Variants in FYB1 observed in about 807,000 individuals in gnomAD.
FYB1 encodes the protein FYN binding protein 1.
In FYB1, 41 loss-of-function variants were observed where a neutral mutation model predicts 94.1. The observed-to-expected ratio is 0.44, with a 90% CI of 0.34 to 0.57. FYB1 has a LOEUF of 0.57. Ranked by LOEUF, FYB1 falls within the 20% of genes least tolerant of loss-of-function variation. The pLI is 0.02. For missense variants in FYB1, 1,050 were observed against 976.8 expected (o/e 1.07, Z -1.00); for synonymous variants, 367 against 353.2 (o/e 1.04, Z -0.44).
chr5:39,261,280 T>C (rs540871976), intron 1 of FYB1, among the ~76,000 whole-genome samples: 2 of 143,420 alleles, frequency 1.4e-5, no homozygotes, highest in African/African-American at 5.3e-5. Flanking sequence ...GTTCTGCACA[T>C]GTATCTCCGA....
chr5:39,141,356 T>C (rs985249535), intron 3 of FYB1, among the ~76,000 whole-genome samples: 1 of 152,254 alleles, frequency 6.6e-6, no homozygotes, highest in African/African-American at 2.4e-5. Context: ...TATAGCACCA[T>C]CTATTCATAG....
At chr5:39,220,126 G>A (rs973878106), upstream of FYB1, among the ~76,000 whole-genome samples, 2 of 152,034 alleles carry the variant, frequency 1.3e-5, no homozygotes, top group Non-Finnish European at 2.9e-5. Context: ...ACCACCAGTG[G>A]GGCTGAGTGT....
rs191721370 is a variant in FYB1 at position 39,197,033 on chromosome 5, T to C, written c.1135+4793A>G. 2.8e-3 allele frequency among the ~76,000 whole-genome samples: 426 copies of C among 152,106 alleles called. 2 individuals carry two copies. Among genetic ancestry groups the C allele is most frequent in the African/African-American group, 9.8e-3 (406 of 41,488 alleles). ...ATGGAGGGTATATCTGGGGAAGAGG[T>C]TTAAAGAATTGGATGAGAACCTGGA... On this transcript the variant is annotated intron_variant, in intron 2 of 18. Transcript: ENST00000512982.
chr5:39,270,884 C>T lies in FYB1; in HGVS notation c.-28+3519G>A, dbSNP rs137986931. 3.1e-3 allele frequency: 1,048 copies of T among 333,838 alleles called. 5 individuals carry two copies. Among genetic ancestry groups the T allele is most frequent in the Non-Finnish European group, 3.7e-3 (674 of 184,390 alleles). The allele number at this position is 333,838 out of a possible 1,614,324, so 20.7% of individuals were successfully genotyped here. A position where few individuals can be genotyped will look rare whatever the true frequency, so the allele number is the denominator to read the frequency against. Reference sequence around the variant, plus strand: ...TACCTAGATATTAAATTTTGCTATACATTATTAATGTTTTATATAACTTCT... The same window carrying T: ...TACCTAGATATTAAATTTTGCTATATATTATTAATGTTTTATATAACTTCT... On this transcript the variant is annotated intron_variant, in intron 1 of 1. Transcript: ENST00000510188.
In FYB1 at chr5:39,119,455, A is replaced by T. The variant is rs1003981896; in HGVS notation, c.2238+80T>A. On this transcript the variant is annotated intron_variant, in intron 15 of 18. Coordinates refer to ENST00000512982, the MANE Select transcript of FYB1 (RefSeq NM_001465.6). ...CTTAAAAATCATTGGATTTTTCAAT[A>T]GTGTTTTTTTTGTTACTTAAAAATC... is the stretch of plus-strand genomic sequence containing the variant. 5 of 1,013,420 alleles carry T rather than the reference A, an allele frequency of 4.9e-6. No homozygotes were observed. The Admixed American group carries it at 1.5e-4, about 30-fold the overall frequency. 62.8% of individuals were successfully genotyped at this position (1,013,420 alleles called of 1,614,324 possible).
intron 1 of FYB1, among the ~76,000 whole-genome samples, chr5:39,249,221 C>G (rs189118095): frequency 1.6e-3 from 251 of 152,296 alleles, no homozygotes; most frequent in Non-Finnish European, 1.1e-3. Context: ...CCAAAGAATG[C>G]CAGCCTTACA....
Position 39,138,275 on chromosome 5 carries a change from C to T in FYB1, c.1394+382G>A, listed in dbSNP as rs769055983. 1.0e-4 allele frequency: 18 copies of T among 175,386 alleles called. 1 individual carries two copies. Among genetic ancestry groups the T allele is most frequent in the Middle Eastern group, 2.6e-3 (1 of 378 alleles). The allele number at this position is 175,386 out of a possible 1,614,324, so 10.9% of individuals were successfully genotyped here. A position where few individuals can be genotyped will look rare whatever the true frequency, so the allele number is the denominator to read the frequency against. On this transcript the variant is annotated intron_variant, in intron 6 of 18. Transcript: ENST00000512982. ...AGCAGCTGACACTCTGACCTCTGGG[C>T]GTCATGATAAATTATTTTTCATAGC...
rs1157055414 is a variant in FYB1, at chr5:39,219,437, T to C, written c.-28+6A>G. ...TTGAAAGAAGAAACCTAGGCATAGC[T>C]GTTACCTGACTCCTGCAGAAGAAGG... On this transcript the variant is annotated splice_donor_region_variant and intron_variant, in intron 1 of 18. Transcript: ENST00000512982. The C allele has an allele frequency of 1.0e-6, 1 of 985,404 alleles. No homozygotes were observed. Among genetic ancestry groups the C allele is most frequent in the African/African-American group, 1.7e-5 (1 of 57,238 alleles). The allele number at this position is 985,404 out of a possible 1,614,324, so 61.0% of individuals were successfully genotyped here.
intron 1 of FYB1, among the ~76,000 whole-genome samples, chr5:39,233,744 T>C (rs761883722): frequency 6.6e-6 from 1 of 152,090 alleles, no homozygotes; most frequent in Non-Finnish European, 1.5e-5. Flanking sequence ...TGGCATATTG[T>C]TTTGGTTGAA....
intron 2 of FYB1, among the ~76,000 whole-genome samples, chr5:39,182,316 TGTGTGTGTGTGTGTGTGTGTG>T (rs1746330969): frequency 6.8e-6 from 1 of 146,410 alleles, no homozygotes; most frequent in African/African-American, 2.5e-5. Context: ...TGTGTGTGTG[TGTGTGTGTGTGTGTGTGTGTG>T]TGTGTGTGTA....
intron 2 of FYB1, among the ~76,000 whole-genome samples, chr5:39,186,635 A>G (rs1746830793): frequency 9.2e-6 from 1 of 109,272 alleles, no homozygotes; most frequent in Non-Finnish European, 1.7e-5. Context: ...CAACAATTGG[A>G]TGCTTTTTTT....
intron 1 of FYB1, among the ~76,000 whole-genome samples, chr5:39,243,641 T>C (rs1037966100): frequency 3.6e-4 from 55 of 152,302 alleles, no homozygotes; most frequent in African/African-American, 1.1e-3. Flanking sequence ...TTTGGTTCCA[T>C]ATGAACTTTA....
At position 39,116,948 on chromosome 5, in the gene FYB1, C is replaced by T. The variant is rs182563155; in HGVS notation, c.2401+1926G>A. 2.0e-5 allele frequency among the ~76,000 whole-genome samples: 3 copies of T among 152,200 alleles called. No individual in the cohort carries two copies. In the East Asian group the frequency reaches 5.8e-4, roughly 29 times the overall value. On this transcript the variant is annotated intron_variant, in intron 16 of 18. Coordinates refer to ENST00000512982, the MANE Select transcript of FYB1 (RefSeq NM_001465.6). ...GGAATGTTGCTTTAGATAAGATTTG[C>T]TGCTAAGCATAGGAGACTTAGGTCA...
chr5:39,116,198 T>C (rs1739552583), intron 16 of FYB1, among the ~76,000 whole-genome samples: 1 of 152,194 alleles, frequency 6.6e-6, no homozygotes, highest in Non-Finnish European at 1.5e-5. Flanking sequence ...ACTGGCATTT[T>C]TGCAGAATCA....
intron 4 of FYB1, among the ~76,000 whole-genome samples, chr5:39,140,593 A>G (rs1742083029): frequency 6.6e-6 from 1 of 152,178 alleles, no homozygotes; most frequent in Non-Finnish European, 1.5e-5. Flanking sequence ...TATCTTAAGG[A>G]TAAGTCTCTG....
intron 3 of FYB1, among the ~76,000 whole-genome samples, chr5:39,149,002 A>T (rs1394546861): frequency 6.6e-6 from 1 of 152,242 alleles, no homozygotes; most frequent in Non-Finnish European, 1.5e-5. Context: ...TGATTTGAAC[A>T]TTAAAAATGA....
chr5:39,143,505 T>G (rs1742370581), intron 3 of FYB1, among the ~76,000 whole-genome samples: 1 of 147,050 alleles, frequency 6.8e-6, no homozygotes, highest in Non-Finnish European at 1.5e-5. Flanking sequence ...TAATCAGAAT[T>G]ACTCCTTCTC....
At chr5:39,210,709 GAAGTT>G (rs1208995710) in intron 1 of FYB1, among the ~76,000 whole-genome samples, 1 of 152,170 alleles carries the variant, frequency 6.6e-6, no homozygotes, top group Admixed American at 6.5e-5. Context: ...AATGGATAAG[GAAGTT>G]AAATACGACT....
chr5:39,259,802 T>C (rs1350570215), intron 1 of FYB1, among the ~76,000 whole-genome samples: 2 of 152,072 alleles, frequency 1.3e-5, no homozygotes, highest in Non-Finnish European at 2.9e-5. Context: ...ATTCCAAAAA[T>C]TGGAAATACA....
Sources: allele counts gnomAD v4.1 joint callset (sites outside exome capture counted in the v4.1 genomes callset), GRCh38; gene constraint gnomAD v4.1.1; transcripts MANE v1.5; gene names NCBI Gene and HGNC (gene_info 2026-07-23, HGNC 2026-07-21).